Variants in ARL8B observed in about 807,000 individuals in gnomAD.
The protein encoded by ARL8B is ADP-ribosylation factor-like protein 8B.
Under a neutral mutation model 30.6 loss-of-function variants are expected in ARL8B, and 9 were observed. The observed-to-expected ratio is 0.29, with a 90% CI of 0.18 to 0.51. ARL8B has a LOEUF of 0.51. Among genes scored for constraint, ARL8B ranks in the 20% least tolerant of loss-of-function variants. The probability of loss-of-function intolerance (pLI) is 0.97; values close to 1 mark genes in which losing one functional copy is unlikely to be tolerated. For synonymous variants in ARL8B, 74 were observed against 76.0 expected (o/e 0.97, Z 0.14); for missense variants, 130 against 227.2 (o/e 0.57, Z 2.75).
intron 1 of ARL8B, among the ~76,000 whole-genome samples, chr3:5,168,298 T>TGGG (rs532635935): frequency 8.5e-5 from 13 of 152,198 alleles, no homozygotes; most frequent in Non-Finnish European, 1.6e-4. Context: ...CTTGAACTCC[T>TGGG]GGGCCGCAGC....
intron 4 of ARL8B, among the ~76,000 whole-genome samples, chr3:5,172,958 T>G (rs931346341): frequency 5.3e-5 from 8 of 152,208 alleles, no homozygotes; most frequent in Middle Eastern, 3.2e-3. Context: ...GCAGGAGCAG[T>G]GCGTAGGCCC....
At position 5,148,670 on chromosome 3, in the gene ARL8B, G is replaced by A. The variant is rs144211522; in HGVS notation, c.124-21833G>A. On this transcript the variant is annotated intron_variant, in intron 1 of 6. Transcript: ENST00000256496. ...ACCTACCTCTTCTTGTGAGGATGGA[G>A]TTTTATCATTTACATAGAGAATTAA... Among the ~76,000 whole-genome samples, 21 of 152,246 alleles carry A rather than the reference G, an allele frequency of 1.4e-4. No individual in the cohort carries two copies. In the East Asian group the frequency reaches 4.1e-3, roughly 29 times the overall value.
intron 1 of ARL8B, among the ~76,000 whole-genome samples, chr3:5,160,874 G>A (rs991232865): frequency 2.6e-5 from 4 of 152,332 alleles, no homozygotes; most frequent in Non-Finnish European, 4.4e-5. Flanking sequence ...TATTTGGGAT[G>A]TTATAGATCC....
At chr3:5,125,721 C>CG (rs1467379146) in intron 1 of ARL8B, among the ~76,000 whole-genome samples, 2 of 152,004 alleles carry the variant, frequency 1.3e-5, no homozygotes, top group Non-Finnish European at 2.9e-5. Flanking sequence ...TTAGTAGAGA[C>CG]GGGGTTTCAC....
chr3:5,175,785 A>T (rs1014024776), intron 6 of ARL8B, among the ~76,000 whole-genome samples: 2 of 152,148 alleles, frequency 1.3e-5, no homozygotes, highest in African/African-American at 4.8e-5. Flanking sequence ...ACTTGTAGAT[A>T]TACCACTCCA....
At chr3:5,170,607 A>G in intron 2 of ARL8B, 24 bp downstream of exon 2, 1 of 1,564,880 alleles carries the variant, frequency 6.4e-7, no homozygotes, top group African/African-American at 1.4e-5. Context: ...TGCCGTACGC[A>G]ATTTAAATTG....
intron 4 of ARL8B, among the ~76,000 whole-genome samples, chr3:5,173,535 G>C (rs2054697142): frequency 6.6e-6 from 1 of 152,112 alleles, no homozygotes; most frequent in Non-Finnish European, 1.5e-5. Flanking sequence ...AGGAGATCGA[G>C]ACCATCCTGG....
intron 1 of ARL8B, among the ~76,000 whole-genome samples, chr3:5,163,829 C>T (rs549472784): frequency 1.6e-4 from 24 of 152,300 alleles, no homozygotes; most frequent in South Asian, 8.3e-4. Context: ...GAGATCGTGC[C>T]ATTGCACTTC....
chr3:5,151,776 G>T (rs1015079126), intron 1 of ARL8B, among the ~76,000 whole-genome samples: 1 of 148,488 alleles, frequency 6.7e-6, no homozygotes, highest in African/African-American at 2.5e-5. Context: ...GGCTGCAGTG[G>T]TGTGTGATCA....
rs1348700013 is a variant in ARL8B, at chr3:5,180,017, T to C, written c.*1304T>C. 6.5e-6 allele frequency: 1 copy of C among 152,686 alleles called. No homozygotes were observed. The highest frequency in any genetic ancestry group is 1.9e-4 in the East Asian group (1 of 5,206). The allele number at this position is 152,686 out of a possible 1,614,324, so 9.5% of individuals were successfully genotyped here. On this transcript the variant is annotated 3_prime_UTR_variant, in exon 7 of 7. Transcript: ENST00000256496. Reference sequence around the variant, plus strand: ...GTTCATTTGTAAATTATTATTCATATAGACCACTGTAGTAGATAAAACTCT... The same window carrying C: ...GTTCATTTGTAAATTATTATTCATACAGACCACTGTAGTAGATAAAACTCT...
chr3:5,131,531 C>G lies in ARL8B; in HGVS notation c.123+8943C>G, dbSNP rs562467532. On this transcript the variant is annotated intron_variant, in intron 1 of 6. Transcript: ENST00000256496. The stretch of plus-strand genomic sequence containing the variant: ...TCAGCCTCCTGAGTAGCTAGGGTTA[C>G]AGGCGCACGCCACCATGGCCAGATA... 3.7e-4 allele frequency among the ~76,000 whole-genome samples: 56 copies of G among 152,114 alleles called. No homozygotes were observed. The South Asian group carries it at 0.011, about 30-fold the overall frequency.
intron 1 of ARL8B, among the ~76,000 whole-genome samples, chr3:5,158,738 G>A (rs571840487): frequency 6.6e-6 from 1 of 152,190 alleles, no homozygotes; most frequent in East Asian, 1.9e-4. Flanking sequence ...ATGTTATACC[G>A]AAATGGTTGT....
At chr3:5,157,078 G>T (rs896277587) in intron 1 of ARL8B, 2 of 152,228 alleles carry the variant, frequency 1.3e-5, no homozygotes, top group African/African-American at 4.8e-5. Flanking sequence ...AGTTAACTCA[G>T]TTTAGGCCAC....
chr3:5,165,603 C>T (rs900631809), intron 1 of ARL8B, among the ~76,000 whole-genome samples: 1 of 151,954 alleles, frequency 6.6e-6, no homozygotes, highest in African/African-American at 2.4e-5. Flanking sequence ...TTGTCATGCT[C>T]CATATTTCAT....
intron 1 of ARL8B, among the ~76,000 whole-genome samples, chr3:5,124,009 G>T (rs191252190): frequency 6.6e-6 from 1 of 152,076 alleles, no homozygotes; most frequent in African/African-American, 2.4e-5. Context: ...GCGTAGCTGG[G>T]ATTACAGACG....
intron 1 of ARL8B, among the ~76,000 whole-genome samples, chr3:5,162,933 C>G (rs1453369240): frequency 6.6e-6 from 1 of 151,158 alleles, no homozygotes; most frequent in Non-Finnish European, 1.5e-5. Flanking sequence ...TTGGAGTCTC[C>G]CATGTTTGTT....
chr3:5,174,347 T>A lies in ARL8B; in HGVS notation c.444T>A (p.Asn148Lys). 6.3e-7 allele frequency: 1 copy of A among 1,597,836 alleles called. No homozygotes were observed. Among genetic ancestry groups the A allele is most frequent in the Non-Finnish European group, 8.6e-7 (1 of 1,165,546 alleles). The change falls in exon 6 of 7, where the codon AAT becomes AAA. Residue 148 changes from asparagine to lysine, a missense_variant. Physicochemically the swap from Asn to Lys is moderately conservative, Grantham distance 94. Transcript: ENST00000256496. Reference protein sequence around the residue: ...LDEKQLIEKMNLSAIQDREIC... With the variant: ...LDEKQLIEKMKLSAIQDREIC... Reference sequence around the variant, plus strand: ...ATCCTTTTAATTCTTCTCATAGGAATCTGTCTGCTATTCAGGATAGAGAAA... The same window carrying A: ...ATCCTTTTAATTCTTCTCATAGGAAACTGTCTGCTATTCAGGATAGAGAAA...
intron 1 of ARL8B, among the ~76,000 whole-genome samples, chr3:5,149,632 A>C (rs887428858): frequency 1.3e-5 from 2 of 152,012 alleles, no homozygotes; most frequent in African/African-American, 2.4e-5. Flanking sequence ...CCCCTTCCCC[A>C]CTTAAGTTTC....
intron 1 of ARL8B, among the ~76,000 whole-genome samples, chr3:5,160,305 C>A (rs2054569848): frequency 6.6e-6 from 1 of 152,208 alleles, no homozygotes; most frequent in South Asian, 2.1e-4. Context: ...GGGATACTCA[C>A]TAGCAAACTA....
Sources: allele counts gnomAD v4.1 joint callset (sites outside exome capture counted in the v4.1 genomes callset), GRCh38; gene constraint gnomAD v4.1.1; transcripts MANE v1.5; gene names NCBI Gene and HGNC (gene_info 2026-07-23, HGNC 2026-07-21).